Variants in PAK1IP1 observed in about 807,000 individuals in gnomAD.
PAK1IP1 encodes the protein PAK1 interacting protein 1.
In PAK1IP1, 24 loss-of-function variants were observed where a neutral mutation model predicts 42.0. The observed-to-expected ratio is 0.57, with a 90% CI of 0.41 to 0.80. PAK1IP1 has a LOEUF of 0.80. PAK1IP1 is among the 30% of genes least tolerant of loss of function. PAK1IP1 has a pLI of 0.00. For missense variants in PAK1IP1, 411 were observed against 467.9 expected (o/e 0.88, Z 1.12); for synonymous variants, 154 against 156.7 (o/e 0.98, Z 0.13).
intron 2 of PAK1IP1, among the ~76,000 whole-genome samples, chr6:10,701,025 CCT>C (rs1170339240): frequency 1.3e-5 from 2 of 151,996 alleles, no homozygotes; most frequent in Non-Finnish European, 2.9e-5. Context: ...TTGTTTTTCC[CCT>C]GTGTGAGAAC....
At chr6:10,694,428 C>G (rs542644955), upstream of PAK1IP1, 1 of 154,828 alleles carries the variant, frequency 6.5e-6, no homozygotes, top group South Asian at 1.8e-4. Context: ...CCGAGTCCGT[C>G]AAGGCAGCGC....
In PAK1IP1 at chr6:10,708,971, C is replaced by T. The variant is rs771887841; in HGVS notation, c.859C>T (p.Leu287Phe). The T allele has an allele frequency of 6.2e-7, 1 of 1,610,410 alleles. No homozygotes were observed. Among genetic ancestry groups the T allele is most frequent in the Non-Finnish European group, 8.5e-7 (1 of 1,177,458 alleles). ...TGTTTAGAAAGTTCCCCCATCTTTACTCTGTGAAATAAACACTAATGCCAG... is the reference window on the plus strand; with the variant it reads ...TGTTTAGAAAGTTCCCCCATCTTTATTCTGTGAAATAAACACTAATGCCAG... ...KQDKKVPPSL[L>F]CEINTNARLT... Residue 287 changes from leucine (L) to phenylalanine (F), a missense_variant, in exon 9 of 10, where the codon CTC (leucine) becomes TTC (phenylalanine). Coordinates refer to ENST00000379568, the MANE Select transcript of PAK1IP1 (RefSeq NM_017906.3).
intron 7 of PAK1IP1, among the ~76,000 whole-genome samples, chr6:10,706,234 T>C (rs1294186143): frequency 2.0e-5 from 3 of 151,976 alleles, no homozygotes; most frequent in Non-Finnish European, 4.4e-5. Flanking sequence ...GAGTTAGTTT[T>C]AAAAAGAGAG....
In PAK1IP1 at chr6:10,708,954, A is replaced by C; in HGVS notation, c.842A>C (p.Lys281Thr). 6.2e-7 allele frequency: 1 copy of C among 1,603,978 alleles called. No homozygotes were observed. Among genetic ancestry groups the C allele is most frequent in the Non-Finnish European group, 8.5e-7 (1 of 1,174,924 alleles). Residue 281 changes from lysine to threonine, a missense_variant and splice_region_variant, in exon 9 of 10, where the codon AAA (lysine) becomes ACA (threonine). By Grantham distance (78) the Lys-to-Thr change is moderately conservative (BLOSUM62 -1). Transcript: ENST00000379568. ...TGAATGTTTGTTTCTTCTGTTTAGA[A>C]AGTTCCCCCATCTTTACTCTGTGAA... Reference protein sequence around the residue: ...IKMWKLKQDKKVPPSLLCEIN... With the variant: ...IKMWKLKQDKTVPPSLLCEIN...
At chr6:10,701,215 T>A (rs1469898693) in intron 2 of PAK1IP1, among the ~76,000 whole-genome samples, 1 of 152,188 alleles carries the variant, frequency 6.6e-6, no homozygotes, top group African/African-American at 2.4e-5. Context: ...TAGCTGGGAC[T>A]ACAGGCACAC....
chr6:10,692,065 C>G (rs954885505), upstream of PAK1IP1, among the ~76,000 whole-genome samples: 2 of 152,180 alleles, frequency 1.3e-5, no homozygotes, highest in African/African-American at 4.8e-5. Flanking sequence ...ACTTCTCAAA[C>G]AGCAGTTGAG....
rs1284474039 is a variant in PAK1IP1 at position 10,709,572 on chromosome 6, T to C, written c.*120T>C. On this transcript the variant is annotated 3_prime_UTR_variant, in exon 10 of 10. Coordinates refer to ENST00000379568, the MANE Select transcript of PAK1IP1 (RefSeq NM_017906.3). ...TTTCTTCCTTTGGAAAAAATATATATATTAAAAAACCACTTTTAGATGGTT... is the reference window on the plus strand; with the variant it reads ...TTTCTTCCTTTGGAAAAAATATATACATTAAAAAACCACTTTTAGATGGTT... 1 of 464,450 alleles carries C rather than the reference T, an allele frequency of 2.2e-6. No individual in the cohort carries two copies. The highest frequency in any genetic ancestry group is 3.5e-6 in the Non-Finnish European group (1 of 288,656). 28.8% of individuals were successfully genotyped at this position (464,450 alleles called of 1,614,324 possible).
chr6:10,697,566 C>A, intron 2 of PAK1IP1, 80 bp downstream of exon 2: 1 of 1,089,060 alleles, frequency 9.2e-7, no homozygotes, highest in Admixed American at 2.2e-5. Context: ...TTTGTTGTAT[C>A]TATTTTATAG....
At chr6:10,692,040 TAAAC>T (rs1380705487), upstream of PAK1IP1, among the ~76,000 whole-genome samples, 4 of 152,318 alleles carry the variant, frequency 2.6e-5, no homozygotes, top group Middle Eastern at 3.4e-3. Flanking sequence ...AAAAGTGTAT[TAAAC>T]AAGTATTAAT....
chr6:10,695,458 G>C (rs1051733013), intron 1 of PAK1IP1, among the ~76,000 whole-genome samples: 1 of 152,092 alleles, frequency 6.6e-6, no homozygotes, highest in Non-Finnish European at 1.5e-5. Flanking sequence ...AACTAGATTA[G>C]GATAAATCCC....
chr6:10,694,574 C>T (rs114732271), upstream of PAK1IP1: 2,982 of 186,830 alleles, frequency 0.016, 101 homozygotes, highest in African/African-American at 0.067. Context: ...CACAACAATG[C>T]ACGCTGCCGG....
rs778660768 is a variant in PAK1IP1 at position 10,704,537 on chromosome 6, G to A, written c.527G>A (p.Gly176Glu). The change falls in exon 6 of 10, where the codon GGA becomes GAA. Residue 176 changes from glycine (G) to glutamate (E), a missense_variant. Gly to Glu is a moderately conservative substitution (Grantham distance 98). Transcript: ENST00000379568. ...CACATAGTAGAATGGTCCCCAAGAG[G>A]AGAGCAGTATGTAGTTATCATACAG... ...NAHIVEWSPR[G>E]EQYVVIIQNK... is the part of the protein sequence containing the mutation. 5 of 1,599,180 alleles carry A rather than the reference G, an allele frequency of 3.1e-6. No homozygotes were observed. The highest frequency in any genetic ancestry group is 1.7e-5 in the Admixed American group (1 of 59,224).
chr6:10,694,593 CCCCT>C, upstream of PAK1IP1: 3 of 179,554 alleles, frequency 1.7e-5, no homozygotes, highest in South Asian at 9.7e-5. Flanking sequence ...GGCGCTACAG[CCCCT>C]AAGCAACCGG....
chr6:10,706,605 C>G (rs935223486), intron 7 of PAK1IP1, among the ~76,000 whole-genome samples: 5 of 152,076 alleles, frequency 3.3e-5, no homozygotes, highest in Admixed American at 6.6e-5. Context: ...AAATTTCTGG[C>G]CAGGTGCAGT....
At position 10,694,983 on chromosome 6, in the gene PAK1IP1, T is replaced by C. The variant is rs367606250; in HGVS notation, c.-3T>C. 1.9e-6 allele frequency: 3 copies of C among 1,595,006 alleles called. No individual in the cohort carries two copies. Among genetic ancestry groups the C allele is most frequent in the African/African-American group, 1.4e-5 (1 of 73,950 alleles). On this transcript the variant is annotated 5_prime_UTR_variant, in exon 1 of 10. Transcript: ENST00000379568. ...CTGGCGGAAGAGGCACGTGCGCTGC[T>C]GAATGGAGCTGGTCGCTGGTTGCTA...
chr6:10,703,193 C>T (rs1359337487), intron 4 of PAK1IP1, among the ~76,000 whole-genome samples: 1 of 151,996 alleles, frequency 6.6e-6, no homozygotes, highest in Admixed American at 6.6e-5. Context: ...TTTGAAAATA[C>T]AATGGATACG....
At chr6:10,705,594 C>G (rs985419824) in intron 7 of PAK1IP1, among the ~76,000 whole-genome samples, 6 of 151,976 alleles carry the variant, frequency 3.9e-5, no homozygotes, top group African/African-American at 1.2e-4. Flanking sequence ...CTTTTATTAC[C>G]TTTTAATGCT....
chr6:10,702,801 C>CT (rs201034129), intron 4 of PAK1IP1, among the ~76,000 whole-genome samples, 162 bp downstream of exon 4: 204 of 149,108 alleles, frequency 1.4e-3, no homozygotes, highest in African/African-American at 3.6e-3. Flanking sequence ...TGTTTTCTTT[C>CT]TTTTTTTTTT....
At chr6:10,702,941 G>C (rs1262076200) in intron 4 of PAK1IP1, among the ~76,000 whole-genome samples, 1 of 151,976 alleles carries the variant, frequency 6.6e-6, no homozygotes, top group African/African-American at 2.4e-5. Flanking sequence ...CAAGTAGCTG[G>C]AACTACAGGC....
Sources: gnomAD v4.1 joint callset for allele counts (sites outside exome capture counted in the v4.1 genomes callset) on GRCh38, gnomAD v4.1.1 for gene constraint, MANE v1.5 for transcripts, NCBI Gene and HGNC (gene_info 2026-07-23, HGNC 2026-07-21) for gene names.